The following INVS variants were observed in gnomAD, a reference collection of about 807,000 sequenced individuals.
INVS encodes inversion of embryo turning homolog.
INVS carries 86 observed loss-of-function variants against 108.8 expected under a neutral mutation model. That is an observed-to-expected ratio of 0.79 (90% CI 0.66 to 0.95). The LOEUF (loss-of-function observed/expected upper bound fraction) is 0.95, where lower values mean the gene tolerates loss of function less well. Ranked by LOEUF, INVS falls within the 40% of genes least tolerant of loss-of-function variation. INVS has a pLI of 0.00. For missense variants in INVS, 1,169 were observed against 1,297.4 expected (o/e 0.90, Z 1.52); for synonymous variants, 455 against 473.5 (o/e 0.96, Z 0.51).
At chr9:100,109,377 C>G (rs922234323) in intron 2 of INVS, among the ~76,000 whole-genome samples, 2 of 152,082 alleles carry the variant, frequency 1.3e-5, no homozygotes, top group African/African-American at 4.8e-5. Flanking sequence ...GTTATGTCAG[C>G]TTAGACTAAA....
intron 3 of INVS, among the ~76,000 whole-genome samples, chr9:100,225,824 C>T (rs1203111020): frequency 6.6e-6 from 1 of 151,562 alleles, no homozygotes; most frequent in Non-Finnish European, 1.5e-5. Context: ...GTTTTATTTG[C>T]AATAAAATAT....
At chr9:100,113,361 T>C (rs1827406707) in intron 2 of INVS, among the ~76,000 whole-genome samples, 1 of 152,258 alleles carries the variant, frequency 6.6e-6, no homozygotes, top group Non-Finnish European at 1.5e-5. Context: ...ACAACCTGAA[T>C]ACATCTGTAA....
rs539328887 is a variant in INVS, at chr9:100,285,846, C to T, written c.2068+1243C>T. ...CTCCCAGAAGGAAAGGTGTGCAGCA[C>T]GAACCCTATTGTTTGCACGAAGCAA... is the stretch of plus-strand genomic sequence containing the variant. On this transcript the variant is annotated intron_variant, in intron 13 of 16. Coordinates refer to ENST00000262457, the MANE Select transcript of INVS (RefSeq NM_014425.5). Among the ~76,000 whole-genome samples the T allele has an allele frequency of 4.6e-5, 7 of 152,284 alleles. No individual in the cohort carries two copies. In the East Asian group the frequency reaches 1.4e-3, roughly 29 times the overall value.
intron 3 of INVS, among the ~76,000 whole-genome samples, chr9:100,144,619 T>C (rs1242530089): frequency 3.3e-5 from 5 of 152,124 alleles, no homozygotes; most frequent in Non-Finnish European, 7.4e-5. Flanking sequence ...AGGAAATTGC[T>C]GGGCAGGTAG....
At chr9:100,161,425 T>G (rs1007690706) in intron 3 of INVS, among the ~76,000 whole-genome samples, 1 of 142,776 alleles carries the variant, frequency 7.0e-6, no homozygotes, top group African/African-American at 2.6e-5. Flanking sequence ...TCCAAAAGAA[T>G]TTGAATATGA....
At chr9:100,186,472 A>G (rs1285940600) in intron 3 of INVS, among the ~76,000 whole-genome samples, 1 of 152,110 alleles carries the variant, frequency 6.6e-6, no homozygotes, top group Non-Finnish European at 1.5e-5. Context: ...ACTAATTTAC[A>G]TTCCTGCCAG....
chr9:100,159,227 T>C (rs1829095939), intron 3 of INVS, among the ~76,000 whole-genome samples: 1 of 152,028 alleles, frequency 6.6e-6, no homozygotes, highest in African/African-American at 2.4e-5. Context: ...TATGGAAAGA[T>C]AGAGGAAGGG....
chr9:100,231,643 G>C (rs1165342324), intron 5 of INVS, among the ~76,000 whole-genome samples: 1 of 151,708 alleles, frequency 6.6e-6, no homozygotes, highest in African/African-American at 2.4e-5. Flanking sequence ...GGAGAATGAT[G>C]GTTTCCAGCT....
intron 3 of INVS, among the ~76,000 whole-genome samples, chr9:100,173,754 A>G (rs1322460653): frequency 6.6e-6 from 1 of 152,084 alleles, no homozygotes; most frequent in Non-Finnish European, 1.5e-5. Flanking sequence ...TGAAAAACAG[A>G]AGAGATTTTC....
chr9:100,225,808 CAT>C (rs1831298710), intron 3 of INVS, among the ~76,000 whole-genome samples: 1 of 151,718 alleles, frequency 6.6e-6, no homozygotes, highest in Admixed American at 6.6e-5. Flanking sequence ...TTAAATAAAA[CAT>C]GTTGTTTTAT....
At chr9:100,222,163 T>G (rs1483537016) in intron 3 of INVS, among the ~76,000 whole-genome samples, 1 of 152,200 alleles carries the variant, frequency 6.6e-6, no homozygotes, top group Non-Finnish European at 1.5e-5. Context: ...CATTCTTGGT[T>G]CTATCTGACC....
At chr9:100,128,621 A>G (rs1402687726) in intron 3 of INVS, among the ~76,000 whole-genome samples, 1 of 152,212 alleles carries the variant, frequency 6.6e-6, no homozygotes, top group Non-Finnish European at 1.5e-5. Context: ...AATATGTCCC[A>G]GGCCTGTAAT....
At chr9:100,182,275 T>G (rs919887675) in intron 3 of INVS, among the ~76,000 whole-genome samples, 3 of 152,034 alleles carry the variant, frequency 2.0e-5, no homozygotes, top group Non-Finnish European at 4.4e-5. Context: ...GGGATCTAAT[T>G]AAACTAAAGA....
chr9:100,149,132 C>G (rs1384667382), intron 3 of INVS, among the ~76,000 whole-genome samples: 1 of 151,970 alleles, frequency 6.6e-6, no homozygotes, highest in East Asian at 1.9e-4. Context: ...TACTACTAGG[C>G]ATCTCTGTGG....
intron 3 of INVS, among the ~76,000 whole-genome samples, chr9:100,162,750 C>T (rs935057891): frequency 2.6e-5 from 4 of 151,810 alleles, no homozygotes; most frequent in Non-Finnish European, 5.9e-5. Flanking sequence ...TTGCTTGAAC[C>T]TGGGAGGCGG....
chr9:100,236,746 G>T (rs186635218), intron 5 of INVS, among the ~76,000 whole-genome samples: 218 of 152,198 alleles, frequency 1.4e-3, no homozygotes, highest in Admixed American at 3.1e-3. Context: ...GTCCCAGATG[G>T]GCAACTGCTA....
At chr9:100,261,622 T>G (rs1432004174) in intron 10 of INVS, among the ~76,000 whole-genome samples, 2 of 152,202 alleles carry the variant, frequency 1.3e-5, no homozygotes, top group African/African-American at 4.8e-5. Context: ...GTTGCCAGTT[T>G]TTTACATAAG....
intron 1 of INVS, among the ~76,000 whole-genome samples, chr9:100,103,473 C>T (rs2118815336): frequency 6.6e-6 from 1 of 151,914 alleles, no homozygotes. Flanking sequence ...CTAAAAAATA[C>T]AAAACTTAGC....
intron 3 of INVS, among the ~76,000 whole-genome samples, chr9:100,192,649 G>A (rs142297010): frequency 1.9e-3 from 287 of 152,170 alleles, no homozygotes; most frequent in African/African-American, 6.3e-3. Context: ...CCAAAATGTT[G>A]CTACCACTTT....
Sources: allele counts gnomAD v4.1 joint callset (sites outside exome capture counted in the v4.1 genomes callset), GRCh38; gene constraint gnomAD v4.1.1; transcripts MANE v1.5; gene names NCBI Gene and HGNC (gene_info 2026-07-23, HGNC 2026-07-21).